STARD13: variants seen among roughly 807,000 people sequenced by gnomAD.
The protein encoded by STARD13 is StAR related lipid transfer domain containing 13.
In STARD13, 62 loss-of-function variants were observed where a neutral mutation model predicts 106.4. The ratio of observed to expected loss-of-function variants is 0.58; its 90% CI spans 0.48 to 0.72. The LOEUF (loss-of-function observed/expected upper bound fraction) is 0.72. Among genes scored for constraint, STARD13 ranks in the 30% least tolerant of loss-of-function variants. The pLI is 0.00. For synonymous variants in STARD13, 565 were observed against 553.0 expected (o/e 1.02, Z -0.31); for missense variants, 1,387 against 1,424.0 (o/e 0.97, Z 0.42).
At chr13:33,516,529 G>C in the STARD13 span, among the ~76,000 whole-genome samples, 1 of 151,896 alleles carries the variant, frequency 6.6e-6, no homozygotes. Context: ...AAGTTAATTT[G>C]CTTAATTTTT....
At chr13:33,620,579 G>A in the STARD13 span, among the ~76,000 whole-genome samples, 7 of 151,802 alleles carry the variant, frequency 4.6e-5, no homozygotes, top group African/African-American at 1.2e-4. Context: ...CACCATGCCC[G>A]GCCAGAATAT....
the STARD13 span, among the ~76,000 whole-genome samples, chr13:33,469,657 T>G: frequency 6.6e-6 from 1 of 152,150 alleles, no homozygotes; most frequent in Non-Finnish European, 1.5e-5. Context: ...AGGTATTAAT[T>G]GCTCATAAAA....
chr13:33,323,465 A>G (rs1893631265), intron 1 of STARD13, among the ~76,000 whole-genome samples: 1 of 152,160 alleles, frequency 6.6e-6, no homozygotes, highest in Non-Finnish European at 1.5e-5. Context: ...TACATGGGCA[A>G]TTTGTCACAT....
chr13:33,551,308 T>C, the STARD13 span, among the ~76,000 whole-genome samples: 10 of 152,206 alleles, frequency 6.6e-5, no homozygotes, highest in Non-Finnish European at 1.3e-4. Context: ...CTGTGTGTTG[T>C]GTATCTGCAT....
At chr13:33,579,961 G>A in the STARD13 span, among the ~76,000 whole-genome samples, 2 of 152,048 alleles carry the variant, frequency 1.3e-5, no homozygotes, top group Admixed American at 6.6e-5. Context: ...CATTGCTGAT[G>A]GAAACGCAAA....
the STARD13 span, among the ~76,000 whole-genome samples, chr13:33,375,664 T>A: frequency 1.3e-5 from 2 of 152,200 alleles, no homozygotes; most frequent in Middle Eastern, 3.4e-3. Flanking sequence ...ACCATCAGAT[T>A]TCGTGAGAAC....
the STARD13 span, among the ~76,000 whole-genome samples, chr13:33,492,912 T>C: frequency 6.3e-4 from 96 of 152,326 alleles, no homozygotes; most frequent in Middle Eastern, 3.4e-3. Flanking sequence ...ATTATGTCTC[T>C]TTTTAACGAG....
At chr13:33,382,418 C>T in the STARD13 span, among the ~76,000 whole-genome samples, 8 of 152,088 alleles carry the variant, frequency 5.3e-5, no homozygotes, top group Non-Finnish European at 8.8e-5. Context: ...TATCAACTCT[C>T]GGGATGCCAT....
chr13:33,314,923 T>C (rs905345911), intron 1 of STARD13, among the ~76,000 whole-genome samples: 9 of 152,178 alleles, frequency 5.9e-5, no homozygotes, highest in Non-Finnish European at 1.3e-4. Context: ...TGACTAAGAA[T>C]TATTTAGGTT....
chr13:33,359,791 A>G, the STARD13 span, among the ~76,000 whole-genome samples: 1 of 152,210 alleles, frequency 6.6e-6, no homozygotes. Flanking sequence ...TAGTTTGTAG[A>G]AATTTGGAGG....
intron 4 of STARD13, among the ~76,000 whole-genome samples, chr13:33,139,046 A>G (rs1486019437): frequency 6.6e-6 from 1 of 152,218 alleles, no homozygotes; most frequent in Non-Finnish European, 1.5e-5. Flanking sequence ...GCCCACCAAA[A>G]TCTACAGGAT....
chr13:33,385,467 T>TAA, the STARD13 span, among the ~76,000 whole-genome samples: 18 of 76,432 alleles, frequency 2.4e-4, no homozygotes, highest in African/African-American at 5.1e-4. Context: ...CCCAGAATGG[T>TAA]AAAAAAAAAA....
At chr13:33,238,832 G>GT (rs1168038214) in intron 1 of STARD13, among the ~76,000 whole-genome samples, 1 of 151,910 alleles carries the variant, frequency 6.6e-6, no homozygotes, top group Non-Finnish European at 1.5e-5. Context: ...GAGGTAGCAT[G>GT]TTTTTTTATT....
the STARD13 span, among the ~76,000 whole-genome samples, chr13:33,590,590 A>G: frequency 6.6e-6 from 1 of 151,366 alleles, no homozygotes; most frequent in Non-Finnish European, 1.5e-5. Context: ...TCAGCAAACT[A>G]TCGCAAGGAC....
Position 33,109,944 on chromosome 13 carries a change from C to A in STARD13, c.2976G>T (p.Arg992Ser), listed in dbSNP as rs1019108777. Reference protein sequence around the residue: ...VQWKVVETLDRQTEIYQYVLN... With the variant: ...VQWKVVETLDSQTEIYQYVLN... ...GCACATACTGGTAGATCTCTGTTTGCCTGTCTAGAGTTTCCACAACCTTCC... is the reference window on the plus strand; with the variant it reads ...GCACATACTGGTAGATCTCTGTTTGACTGTCTAGAGTTTCCACAACCTTCC... Residue 992 changes from arginine (R) to serine (S), a missense_variant, in exon 12 of 14, where the codon AGG becomes AGT. By Grantham distance (110) the Arg-to-Ser change is moderately radical. Transcript: ENST00000336934. The A allele has an allele frequency of 6.2e-7, 1 of 1,614,194 alleles. No homozygotes were observed.
chr13:33,340,464 C>T (rs1349960056), intron 1 of STARD13, among the ~76,000 whole-genome samples: 3 of 152,194 alleles, frequency 2.0e-5, no homozygotes, highest in African/African-American at 7.2e-5. Context: ...GAAATGTTTC[C>T]ATTTTATCCA....
chr13:33,493,513 A>G, the STARD13 span, among the ~76,000 whole-genome samples: 1 of 152,184 alleles, frequency 6.6e-6, no homozygotes, highest in African/African-American at 2.4e-5. Context: ...ACTAACATCT[A>G]AATAATAGGG....
chr13:33,496,521 A>G, the STARD13 span, among the ~76,000 whole-genome samples: 1 of 151,912 alleles, frequency 6.6e-6, no homozygotes, highest in South Asian at 2.1e-4. Flanking sequence ...CCACTTGATT[A>G]TGCAATTTCT....
At chr13:33,663,918 C>A in the STARD13 span, among the ~76,000 whole-genome samples, 1 of 152,200 alleles carries the variant, frequency 6.6e-6, no homozygotes, top group Non-Finnish European at 1.5e-5. Context: ...CACCGTTCCT[C>A]CGACTCTTTC....
Sources: allele counts gnomAD v4.1 joint callset (sites outside exome capture counted in the v4.1 genomes callset), GRCh38; gene constraint gnomAD v4.1.1; transcripts MANE v1.5; gene names NCBI Gene and HGNC (gene_info 2026-07-23, HGNC 2026-07-21).